Variants in ZNF208 observed in about 807,000 individuals in gnomAD.
ZNF208 encodes the protein zinc finger protein 208.
In ZNF208, 10 loss-of-function variants were observed where a neutral mutation model predicts 12.1. The observed-to-expected ratio is 0.83, with a 90% CI of 0.51 to 1.40. ZNF208 has a LOEUF of 1.40. Ranked by LOEUF, ZNF208 falls within the 40% of genes most tolerant of loss-of-function variation. The probability of loss-of-function intolerance (pLI) is 0.00; values close to 1 mark genes in which losing one functional copy is unlikely to be tolerated. For synonymous variants in ZNF208, 497 were observed against 488.4 expected (o/e 1.02, Z -0.23); for missense variants, 1,652 against 1,485.0 (o/e 1.11, Z -1.85).
chr19:21,962,799 CT>C, downstream of ZNF208, among the ~76,000 whole-genome samples: 1 of 152,066 alleles, frequency 6.6e-6, no homozygotes, highest in Middle Eastern at 3.4e-3. Flanking sequence ...TAATAAAATG[CT>C]TGTGGTAGAA....
In ZNF208 at chr19:21,972,326, A is replaced by T. The variant is rs772764673; in HGVS notation, c.2708T>A (p.Ile903Asn). 14 of 1,612,206 alleles carry T rather than the reference A, an allele frequency of 8.7e-6. No homozygotes were observed. In the African/African-American group the frequency reaches 1.7e-4, roughly 20 times the overall value. Residue 903 changes from isoleucine (I) to asparagine (N), a missense_variant, in exon 4 of 4, where the codon ATC becomes AAC. Transcript: ENST00000397126. ...ATGAATTACCTCATGTTTAGTAAGG[A>T]TGGAGAACATACTAAAACCTTTGCC... is the stretch of plus-strand genomic sequence containing the variant. ...ECGKGFSMFS[I>N]LTKHEVIHTG... is the part of the protein sequence containing the mutation.
intron 1 of ZNF208, among the ~76,000 whole-genome samples, chr19:21,994,586 G>T (rs189961352): frequency 6.6e-6 from 1 of 151,874 alleles, no homozygotes; most frequent in Non-Finnish European, 1.5e-5. Context: ...ACTTAAATCC[G>T]AGTTTGTATA....
intron 1 of ZNF208, among the ~76,000 whole-genome samples, chr19:22,007,774 C>T (rs1971072045): frequency 6.6e-6 from 1 of 151,734 alleles, no homozygotes; most frequent in African/African-American, 2.4e-5. Flanking sequence ...CCAAGGCAGG[C>T]AGATTACTTG....
intron 3 of ZNF208, among the ~76,000 whole-genome samples, chr19:21,977,753 G>A (rs1970460983): frequency 6.6e-6 from 1 of 152,190 alleles, no homozygotes. Context: ...CCCCTGGAAA[G>A]AGGGCTGAAG....
chr19:21,984,151 T>C (rs1251620222), intron 3 of ZNF208, among the ~76,000 whole-genome samples: 32 of 152,240 alleles, frequency 2.1e-4, no homozygotes, highest in Non-Finnish European at 7.4e-5. Context: ...GACCACCTCT[T>C]AAGCCAAAAA....
At chr19:21,964,777 A>C (rs942994099), downstream of ZNF208, among the ~76,000 whole-genome samples, 2 of 151,884 alleles carry the variant, frequency 1.3e-5, no homozygotes, top group African/African-American at 4.8e-5. Context: ...AAATGCTAAT[A>C]TAAGAATACT....
intron 3 of ZNF208, 95 bp downstream of exon 3, chr19:21,987,121 C>T: frequency 7.5e-7 from 1 of 1,330,078 alleles, no homozygotes. Context: ...GAAACTACTT[C>T]TTTTGGAACA....
intron 2 of ZNF208, 113 bp from the exon 3 acceptor site, chr19:21,987,424 A>C: frequency 9.1e-7 from 1 of 1,098,224 alleles, no homozygotes; most frequent in Middle Eastern, 2.2e-4. Context: ...TTTATCCCAA[A>C]ATACTAAATT....
Position 21,975,851 on chromosome 19 carries a change from A to AAAAAAAAAAAG in ZNF208, c.227-1045_227-1044insCTTTTTTTTTT, listed in dbSNP as rs377638519. Among the ~76,000 whole-genome samples the AAAAAAAAAAAG allele has an allele frequency of 9.1e-4, 84 of 91,880 alleles. 17 individuals are homozygous for AAAAAAAAAAAG. Among genetic ancestry groups the AAAAAAAAAAAG allele is most frequent in the African/African-American group, 3.3e-3 (73 of 21,968 alleles). The allele number at this position is 91,880 out of a possible 152,430, so 60.3% of individuals were successfully genotyped here. ...AAAAAAAAAAAAAAAAAAAAAAAAA[A>AAAAAAAAAAAG]GCTATCAAGTGAGAATAATACCATC... On this transcript the variant is annotated intron_variant, in intron 3 of 3. Coordinates refer to ENST00000397126, the MANE Select transcript of ZNF208 (RefSeq NM_007153.3).
intron 3 of ZNF208, among the ~76,000 whole-genome samples, chr19:21,982,230 C>T (rs1340020503): frequency 5.3e-5 from 8 of 151,576 alleles, no homozygotes; most frequent in South Asian, 2.1e-4. Flanking sequence ...TGGTGGCAGG[C>T]GCCTGTAGTC....
chr19:21,954,812 T>C lies in ZNF208; in HGVS notation c.305+19917A>G, dbSNP rs139698061. ...CAATTTGCCAGTCTGTGTCTTTTAATTGGAGCACTTAGCCCATTTACATTG... is the reference window on the plus strand; with the variant it reads ...CAATTTGCCAGTCTGTGTCTTTTAACTGGAGCACTTAGCCCATTTACATTG... On this transcript the variant is annotated intron_variant, in intron 4 of 4. Transcript: ENST00000599916. Among the ~76,000 whole-genome samples the C allele has an allele frequency of 2.2e-3, 333 of 152,338 alleles. 6 individuals carry two copies. The highest frequency in any genetic ancestry group is 0.019 in the Admixed American group (293 of 15,300).
At chr19:21,959,624 C>T (rs894394222) in intron 4 of ZNF208, among the ~76,000 whole-genome samples, 29 of 152,038 alleles carry the variant, frequency 1.9e-4, no homozygotes, top group African/African-American at 5.1e-4. Flanking sequence ...AAAGTGACTG[C>T]GGATTAAGCA....
chr19:21,982,344 CGA>C (rs1316823683), intron 3 of ZNF208, among the ~76,000 whole-genome samples: 1 of 119,170 alleles, frequency 8.4e-6, no homozygotes, highest in Non-Finnish European at 1.7e-5. Context: ...GGTGATAGAG[CGA>C]GACTCCATCT....
intron 1 of ZNF208, among the ~76,000 whole-genome samples, chr19:22,001,041 C>A (rs1290804044): frequency 1.3e-5 from 2 of 152,146 alleles, no homozygotes; most frequent in Non-Finnish European, 2.9e-5. Context: ...GTAATCCCAG[C>A]ACTTTGGGAG....
intron 4 of ZNF208, among the ~76,000 whole-genome samples, chr19:21,953,458 C>T (rs1322288832): frequency 5.9e-5 from 9 of 151,522 alleles, no homozygotes; most frequent in Non-Finnish European, 1.3e-4. Flanking sequence ...CTAACAGTGG[C>T]TCTCTCAGCA....
intron 1 of ZNF208, among the ~76,000 whole-genome samples, chr19:21,994,475 T>C (rs1203326556): frequency 6.6e-6 from 1 of 152,060 alleles, no homozygotes. Context: ...AAAGGGTGAA[T>C]ATGAACAGGG....
chr19:21,989,303 G>A (rs1031979001), intron 1 of ZNF208, among the ~76,000 whole-genome samples: 87 of 135,270 alleles, frequency 6.4e-4, no homozygotes, highest in Admixed American at 2.1e-3. Flanking sequence ...TGTTCTCATT[G>A]TTCAATTCCC....
chr19:21,995,374 C>T (rs1003034257), intron 1 of ZNF208, among the ~76,000 whole-genome samples: 10 of 152,268 alleles, frequency 6.6e-5, no homozygotes, highest in African/African-American at 2.4e-4. Context: ...ATCTGGCTAC[C>T]AACCAGAGAT....
intron 3 of ZNF208, among the ~76,000 whole-genome samples, chr19:21,977,357 G>C (rs777582073): frequency 6.6e-6 from 1 of 152,218 alleles, no homozygotes; most frequent in East Asian, 1.9e-4. Context: ...GGTGATTTCT[G>C]CGTTTCCAAC....
Sources: allele counts gnomAD v4.1 joint callset (sites outside exome capture counted in the v4.1 genomes callset), GRCh38; gene constraint gnomAD v4.1.1; transcripts MANE v1.5; gene names NCBI Gene and HGNC (gene_info 2026-07-23, HGNC 2026-07-21).